The following RHOJ variants were observed in gnomAD, a reference collection of about 807,000 sequenced individuals.
RHOJ encodes ras homolog family member J, also known as rho-related GTP-binding protein RhoJ.
In RHOJ, 11 loss-of-function variants were observed where a neutral mutation model predicts 23.4. That is an observed-to-expected ratio of 0.47 (90% CI 0.30 to 0.78). RHOJ has a LOEUF of 0.78. RHOJ is among the 30% of genes least tolerant of loss of function. The pLI is 0.08. For synonymous variants in RHOJ, 102 were observed against 102.7 expected (o/e 0.99, Z 0.04); for missense variants, 254 against 273.4 (o/e 0.93, Z 0.50).
intron 1 of RHOJ, among the ~76,000 whole-genome samples, chr14:63,213,715 A>G (rs1400250431): frequency 6.6e-6 from 1 of 152,174 alleles, no homozygotes; most frequent in African/African-American, 2.4e-5. Context: ...GCAGGTCTTC[A>G]GGTTGGTGAG....
chr14:63,249,442 C>T lies in RHOJ; in HGVS notation c.179-19668C>T, dbSNP rs967879276. ...AAACCTTTTGTGTCCAATTAGTCTA[C>T]GCCTTGACTCATGCAGTGCCTAAGA... On this transcript the variant is annotated intron_variant, in intron 1 of 4. Coordinates refer to ENST00000316754, the MANE Select transcript of RHOJ (RefSeq NM_020663.5). 4.6e-5 allele frequency among the ~76,000 whole-genome samples: 7 copies of T among 152,296 alleles called. No homozygotes were observed. In the East Asian group the frequency reaches 5.8e-4, roughly 13 times the overall value.
At chr14:63,215,982 C>G (rs997112144) in intron 1 of RHOJ, among the ~76,000 whole-genome samples, 1 of 152,142 alleles carries the variant, frequency 6.6e-6, no homozygotes, top group African/African-American at 2.4e-5. Context: ...CCTATGTGGA[C>G]GCTCAGGATA....
intron 1 of RHOJ, among the ~76,000 whole-genome samples, chr14:63,224,634 T>C (rs1251829241): frequency 6.6e-6 from 1 of 152,218 alleles, no homozygotes; most frequent in Non-Finnish European, 1.5e-5. Context: ...ATACTATACC[T>C]AAAACAATGT....
chr14:63,283,071 T>C (rs1395750244), intron 3 of RHOJ, 50 bp from the exon 4 acceptor site: 1 of 1,417,060 alleles, frequency 7.1e-7, no homozygotes, highest in Admixed American at 1.7e-5. Context: ...TTAAAATATC[T>C]GGCAAGGCCT....
chr14:63,240,278 T>TA (rs958989235), intron 1 of RHOJ, among the ~76,000 whole-genome samples: 23 of 152,144 alleles, frequency 1.5e-4, no homozygotes, highest in Admixed American at 6.5e-5. Context: ...AGAAAGAGAG[T>TA]AAAAAATCTC....
At chr14:63,254,291 T>C (rs1051890669) in intron 1 of RHOJ, among the ~76,000 whole-genome samples, 1 of 152,132 alleles carries the variant, frequency 6.6e-6, no homozygotes, top group African/African-American at 2.4e-5. Context: ...CACCAGAAAG[T>C]ATCACCGTGG....
intron 1 of RHOJ, among the ~76,000 whole-genome samples, chr14:63,234,697 C>A (rs1252699457): frequency 6.6e-6 from 1 of 152,100 alleles, no homozygotes; most frequent in Non-Finnish European, 1.5e-5. Flanking sequence ...AAACCATTAA[C>A]ATAATTTTTC....
intron 2 of RHOJ, among the ~76,000 whole-genome samples, chr14:63,275,328 AAAAC>A (rs1026157561): frequency 3.3e-5 from 5 of 152,176 alleles, no homozygotes; most frequent in African/African-American, 9.7e-5. Context: ...CAAACAAACA[AAAAC>A]AAAATTACAT....
intron 1 of RHOJ, among the ~76,000 whole-genome samples, chr14:63,262,554 C>T (rs1895290814): frequency 6.6e-6 from 1 of 152,222 alleles, no homozygotes; most frequent in African/African-American, 2.4e-5. Context: ...TTTAAAACCT[C>T]TCTAAGCTCA....
intron 1 of RHOJ, among the ~76,000 whole-genome samples, chr14:63,207,404 T>A (rs1335977158): frequency 6.6e-6 from 1 of 152,216 alleles, no homozygotes; most frequent in Non-Finnish European, 1.5e-5. Flanking sequence ...ACCACTCTCC[T>A]GGTATATGAC....
chr14:63,218,883 A>G (rs910951005), intron 1 of RHOJ, among the ~76,000 whole-genome samples: 2 of 152,242 alleles, frequency 1.3e-5, no homozygotes, highest in African/African-American at 4.8e-5. Context: ...GTGTCATCAT[A>G]AAAGTTTTTA....
At chr14:63,289,633 A>T (rs1566632977) in intron 4 of RHOJ, among the ~76,000 whole-genome samples, 1 of 152,206 alleles carries the variant, frequency 6.6e-6, no homozygotes, top group Non-Finnish European at 1.5e-5. Context: ...GGTCTCCTTC[A>T]CAAGAAGCTG....
chr14:63,291,196 C>T lies in RHOJ; in HGVS notation c.*172C>T, dbSNP rs1040714490. 1.8e-5 allele frequency: 13 copies of T among 713,946 alleles called. No homozygotes were observed. The African/African-American group carries it at 2.3e-4, about 12-fold the overall frequency. 44.2% of individuals were successfully genotyped at this position (713,946 alleles called of 1,614,324 possible). A position where few individuals can be genotyped will look rare whatever the true frequency, so the allele number is the denominator to read the frequency against. ...ACACAGCACACTAGTCAGCCCACTG[C>T]CACGACCTCCCTGCCAGCCAGAAGC... On this transcript the variant is annotated 3_prime_UTR_variant, in exon 5 of 5. Coordinates refer to ENST00000316754, the MANE Select transcript of RHOJ (RefSeq NM_020663.5).
chr14:63,257,516 G>A lies in RHOJ; in HGVS notation c.179-11594G>A, dbSNP rs770249120. Among the ~76,000 whole-genome samples, 163 of 150,160 alleles carry A rather than the reference G, an allele frequency of 1.1e-3. 7 individuals carry two copies. The highest frequency in any genetic ancestry group is 2.0e-3 in the Non-Finnish European group (136 of 67,526). ...AGGTTAGGGCAACAATGAAGATACC[G>A]TGGAAGCTGTGAGCCAGGCCCGAAC... On this transcript the variant is annotated intron_variant, in intron 1 of 4. Coordinates refer to ENST00000316754, the MANE Select transcript of RHOJ (RefSeq NM_020663.5).
chr14:63,242,430 G>C (rs950069801), intron 1 of RHOJ, among the ~76,000 whole-genome samples: 2 of 152,114 alleles, frequency 1.3e-5, no homozygotes, highest in Admixed American at 1.3e-4. Flanking sequence ...TTAGCCAGAC[G>C]TGGTGGTACA....
intron 2 of RHOJ, among the ~76,000 whole-genome samples, chr14:63,275,193 C>A (rs1177423088): frequency 6.6e-6 from 1 of 152,072 alleles, no homozygotes; most frequent in Admixed American, 6.6e-5. Flanking sequence ...GTGTGCATAC[C>A]TGTAGTCCCA....
intron 1 of RHOJ, among the ~76,000 whole-genome samples, chr14:63,251,688 G>T (rs191536579): frequency 1.3e-5 from 2 of 152,354 alleles, no homozygotes; most frequent in East Asian, 3.9e-4. Flanking sequence ...TACGTCAAGG[G>T]AAAGGAGGTC....
At chr14:63,237,931 G>A (rs6573499) in intron 1 of RHOJ, among the ~76,000 whole-genome samples, 57,723 of 151,962 alleles carry the variant, frequency 0.38, 15,129 homozygotes, top group African/African-American at 0.74. Context: ...TGCCGCTTAC[G>A]CCTGGTTGTT....
Position 63,291,186 on chromosome 14 carries a change from CA to C in RHOJ, c.*163del, listed in dbSNP as rs1416433531. On this transcript the variant is annotated 3_prime_UTR_variant, in exon 5 of 5. Transcript: ENST00000316754. ...AGCCCTCCCAACACAGCACACTAGT[CA>C]GCCCACTGCCACGACCTCCCTGCCA... The C allele has an allele frequency of 1.3e-6, 1 of 765,308 alleles. No homozygotes were observed. The highest frequency in any genetic ancestry group is 1.7e-5 in the African/African-American group (1 of 58,284). 47.4% of individuals were successfully genotyped at this position (765,308 alleles called of 1,614,324 possible). A position where few individuals can be genotyped will look rare whatever the true frequency, so the allele number is the denominator to read the frequency against.
Sources: gnomAD v4.1 joint callset for allele counts (sites outside exome capture counted in the v4.1 genomes callset) on GRCh38, gnomAD v4.1.1 for gene constraint, MANE v1.5 for transcripts, NCBI Gene and HGNC (gene_info 2026-07-23, HGNC 2026-07-21) for gene names.